BCKDHB: variants seen among roughly 807,000 people sequenced by gnomAD.
BCKDHB encodes the protein branched chain keto acid dehydrogenase E1 subunit beta.
BCKDHB carries 41 observed loss-of-function variants against 48.5 expected under a neutral mutation model. That is an observed-to-expected ratio of 0.85 (90% CI 0.66 to 1.10). BCKDHB has a LOEUF of 1.10. Among genes scored for constraint, BCKDHB ranks in the 50% least tolerant of loss-of-function variants. The pLI, the probability that BCKDHB is intolerant of heterozygous loss-of-function variation, is 0.00. For missense variants in BCKDHB, 496 were observed against 494.2 expected (o/e 1.00, Z -0.03); for synonymous variants, 201 against 174.8 (o/e 1.15, Z -1.18).
At chr6:80,397,542 T>G in the BCKDHB span, among the ~76,000 whole-genome samples, 1 of 152,334 alleles carries the variant, frequency 6.6e-6, no homozygotes, top group East Asian at 1.9e-4. Flanking sequence ...TCATAAGCTA[T>G]TTGATGTTAC....
At chr6:80,123,530 T>C (rs1770164603) in intron 1 of BCKDHB, among the ~76,000 whole-genome samples, 1 of 152,196 alleles carries the variant, frequency 6.6e-6, no homozygotes. Context: ...CCTGGACTTT[T>C]TTTGGTTGGT....
chr6:80,152,024 A>T (rs1027691475), intron 3 of BCKDHB, among the ~76,000 whole-genome samples: 1 of 152,178 alleles, frequency 6.6e-6, no homozygotes. Context: ...GAAAAATTTC[A>T]ATGGCTTGCC....
At chr6:80,283,002 T>C (rs974971843) in intron 9 of BCKDHB, among the ~76,000 whole-genome samples, 5 of 152,136 alleles carry the variant, frequency 3.3e-5, no homozygotes, top group Non-Finnish European at 7.4e-5. Context: ...TTACCATTCA[T>C]AGTGATGGTG....
the BCKDHB span, among the ~76,000 whole-genome samples, chr6:80,420,975 G>T: frequency 6.6e-6 from 1 of 152,178 alleles, no homozygotes; most frequent in East Asian, 1.9e-4. Flanking sequence ...CAACAAGTCT[G>T]CTCTCATATT....
chr6:80,129,184 T>C lies in BCKDHB; in HGVS notation c.298T>C (p.Phe100Leu), dbSNP rs1377651323. 6.2e-7 allele frequency: 1 copy of C among 1,610,602 alleles called. No homozygotes were observed. The highest frequency in any genetic ancestry group is 1.1e-5 in the South Asian group (1 of 90,450). The change falls in exon 3 of 10, where the codon TTT becomes CTT. Residue 100 changes from phenylalanine to leucine, a missense_variant. Phe to Leu is a conservative substitution (Grantham distance 22). Transcript: ENST00000320393. ...AGTAATATTTGGTGAAGATGTTGCC[T>C]TTGGTGGAGTCTTTAGATGCACTGT... ...TAVIFGEDVAFGGVFRCTVGL... is the reference protein window; with the variant it reads ...TAVIFGEDVALGGVFRCTVGL...
chr6:80,281,511 G>A (rs1322984904), intron 9 of BCKDHB, among the ~76,000 whole-genome samples: 1 of 152,138 alleles, frequency 6.6e-6, no homozygotes, highest in African/African-American at 2.4e-5. Context: ...ACAGAAGGGT[G>A]GCCAGGAAGC....
chr6:80,242,962 G>A (rs1743816676), intron 8 of BCKDHB, among the ~76,000 whole-genome samples: 1 of 152,198 alleles, frequency 6.6e-6, no homozygotes, highest in African/African-American at 2.4e-5. Context: ...TTGGCAGGCA[G>A]AGAAGGTTGA....
the BCKDHB span, among the ~76,000 whole-genome samples, chr6:80,386,942 C>T: frequency 6.6e-6 from 1 of 152,182 alleles, no homozygotes; most frequent in Non-Finnish European, 1.5e-5. Context: ...AAGGACCCCA[C>T]TACATTACCG....
chr6:80,144,827 C>G (rs1771399531), intron 3 of BCKDHB, among the ~76,000 whole-genome samples: 1 of 152,124 alleles, frequency 6.6e-6, no homozygotes, highest in Non-Finnish European at 1.5e-5. Context: ...TCCTAAGCTG[C>G]ACAGTATTCA....
At chr6:80,116,121 C>G (rs1207662864) in intron 1 of BCKDHB, among the ~76,000 whole-genome samples, 1 of 152,158 alleles carries the variant, frequency 6.6e-6, no homozygotes, top group Non-Finnish European at 1.5e-5. Flanking sequence ...TTATTTATTT[C>G]TGGAGATTGC....
At chr6:80,226,175 T>G (rs1775668082) in intron 8 of BCKDHB, among the ~76,000 whole-genome samples, 2 of 152,252 alleles carry the variant, frequency 1.3e-5, no homozygotes, top group Admixed American at 1.3e-4. Flanking sequence ...AACATTTCAC[T>G]GCATTGTGTA....
chr6:80,236,171 CT>C (rs1000977533), intron 8 of BCKDHB, among the ~76,000 whole-genome samples: 23 of 35,872 alleles, frequency 6.4e-4, no homozygotes, highest in Non-Finnish European at 1.1e-3. Flanking sequence ...ATTATTGCCT[CT>C]TCTCTTTAAC....
intron 6 of BCKDHB, among the ~76,000 whole-genome samples, chr6:80,173,004 T>A (rs12527244): frequency 0.08 from 12,204 of 152,206 alleles, 572 homozygotes; most frequent in South Asian, 0.099. Flanking sequence ...ACTTTGGATA[T>A]CCTGTGGCTA....
the BCKDHB span, among the ~76,000 whole-genome samples, chr6:80,452,761 G>A: frequency 6.6e-6 from 1 of 152,116 alleles, no homozygotes; most frequent in Non-Finnish European, 1.5e-5. Flanking sequence ...ACAAAATGAA[G>A]GAGGAAGAGT....
intron 1 of BCKDHB, among the ~76,000 whole-genome samples, chr6:80,121,378 A>C (rs976489498): frequency 5.3e-5 from 8 of 152,296 alleles, no homozygotes; most frequent in East Asian, 1.9e-4. Context: ...ACTTTAAAGT[A>C]GTTTTTTCCA....
chr6:80,409,772 C>G, the BCKDHB span, among the ~76,000 whole-genome samples: 2 of 151,272 alleles, frequency 1.3e-5, no homozygotes, highest in Non-Finnish European at 2.9e-5. Context: ...TTTCCATTTA[C>G]TTCATAGATT....
At chr6:80,401,750 T>G in the BCKDHB span, among the ~76,000 whole-genome samples, 2 of 151,832 alleles carry the variant, frequency 1.3e-5, no homozygotes, top group Non-Finnish European at 2.9e-5. Context: ...CTTCCCCAAA[T>G]CTTTGGCAAC....
intron 6 of BCKDHB, among the ~76,000 whole-genome samples, chr6:80,188,340 C>T (rs757904783): frequency 6.6e-6 from 1 of 152,068 alleles, no homozygotes; most frequent in Non-Finnish European, 1.5e-5. Flanking sequence ...ACAACAGACA[C>T]TGGGGATCTA....
At chr6:80,381,139 A>G in the BCKDHB span, among the ~76,000 whole-genome samples, 9 of 151,840 alleles carry the variant, frequency 5.9e-5, no homozygotes, top group Admixed American at 3.3e-4. Flanking sequence ...CTTTTACCTT[A>G]TTTGTATGGC....
Sources: gnomAD v4.1 joint callset for allele counts (sites outside exome capture counted in the v4.1 genomes callset) on GRCh38, gnomAD v4.1.1 for gene constraint, MANE v1.5 for transcripts, NCBI Gene and HGNC (gene_info 2026-07-23, HGNC 2026-07-21) for gene names.